The following FTO variants were observed in gnomAD, a reference collection of about 807,000 sequenced individuals.
FTO encodes FTO alpha-ketoglutarate dependent dioxygenase.
A neutral mutation model predicts 63.9 loss-of-function variants in FTO; 47 were observed. The observed-to-expected ratio is 0.74, with a 90% CI of 0.58 to 0.94. The LOEUF is 0.94. Among genes scored for constraint, FTO ranks in the 40% least tolerant of loss-of-function variants. FTO has a pLI of 0.00. For missense variants in FTO, 562 were observed against 618.1 expected (o/e 0.91, Z 0.96); for synonymous variants, 207 against 224.4 (o/e 0.92, Z 0.69).
chr16:53,979,397 C>T (rs1454695305), intron 8 of FTO: 7 of 398,416 alleles, frequency 1.8e-5, no homozygotes, highest in Non-Finnish European at 3.1e-5. Context: ...ACAGATTCAT[C>T]AAGAGAGAAT....
intron 1 of FTO, among the ~76,000 whole-genome samples, chr16:53,721,293 G>T (rs2076034626): frequency 6.6e-6 from 1 of 152,066 alleles, no homozygotes; most frequent in South Asian, 2.1e-4. Context: ...CAGAAGAGCG[G>T]CTAGAGACAT....
intron 8 of FTO, among the ~76,000 whole-genome samples, chr16:54,092,739 G>A (rs1271765657): frequency 6.6e-6 from 1 of 152,176 alleles, no homozygotes; most frequent in Non-Finnish European, 1.5e-5. Flanking sequence ...ACTGAAAAAG[G>A]ACGTTAACTT....
At chr16:54,053,596 G>A (rs2085361412) in intron 8 of FTO, among the ~76,000 whole-genome samples, 1 of 152,170 alleles carries the variant, frequency 6.6e-6, no homozygotes, top group Admixed American at 6.5e-5. Flanking sequence ...GAATGGTAAA[G>A]GTCCCCCCAT....
intron 8 of FTO, among the ~76,000 whole-genome samples, chr16:54,099,423 G>C (rs1431126511): frequency 6.6e-6 from 1 of 152,122 alleles, no homozygotes; most frequent in Admixed American, 6.5e-5. Flanking sequence ...ATAGCATTGT[G>C]TGCTGGGGAA....
intron 8 of FTO, among the ~76,000 whole-genome samples, chr16:53,936,050 T>G (rs1295010284): frequency 6.6e-6 from 1 of 152,222 alleles, no homozygotes; most frequent in African/African-American, 2.4e-5. Flanking sequence ...TTAACAATAA[T>G]TTTTTAATAC....
At position 53,873,217 on chromosome 16, in the gene FTO, G is replaced by A. The variant is rs533236260; in HGVS notation, c.896-569G>A. Among the ~76,000 whole-genome samples, 9 of 152,270 alleles carry A rather than the reference G, an allele frequency of 5.9e-5. No individual in the cohort carries two copies. The South Asian group carries it at 1.9e-3, about 32-fold the overall frequency. ...GTTTATTCTAAAGATAAGGGTAGAA[G>A]TAGATGTGTCATGAGAAAGTGAAAG... On this transcript the variant is annotated intron_variant, in intron 4 of 8. Coordinates refer to ENST00000471389, the MANE Select transcript of FTO (RefSeq NM_001080432.3).
chr16:53,811,194 A>G (rs1289250233), intron 2 of FTO, among the ~76,000 whole-genome samples: 1 of 152,202 alleles, frequency 6.6e-6, no homozygotes, highest in African/African-American at 2.4e-5. Context: ...TCCCAAAGGA[A>G]AATCAGAGTC....
chr16:53,906,914 G>T (rs898657890), intron 7 of FTO, among the ~76,000 whole-genome samples: 2 of 152,202 alleles, frequency 1.3e-5, no homozygotes, highest in East Asian at 3.9e-4. Context: ...TACCCTGTGG[G>T]AGAACTCTTA....
chr16:53,973,750 G>C (rs1369759982), intron 8 of FTO, among the ~76,000 whole-genome samples: 1 of 152,174 alleles, frequency 6.6e-6, no homozygotes, highest in Non-Finnish European at 1.5e-5. Context: ...AGGTGCATGA[G>C]GGAACTTTGG....
At chr16:53,941,208 T>C (rs979495324) in intron 8 of FTO, among the ~76,000 whole-genome samples, 1 of 152,220 alleles carries the variant, frequency 6.6e-6, no homozygotes, top group African/African-American at 2.4e-5. Flanking sequence ...TGAGTGTTTG[T>C]TAGGTGCAAG....
At chr16:54,089,599 C>A (rs574211146) in intron 8 of FTO, among the ~76,000 whole-genome samples, 1 of 151,926 alleles carries the variant, frequency 6.6e-6, no homozygotes, top group Non-Finnish European at 1.5e-5. Context: ...AAAAAAATAG[C>A]GTATAGAATG....
At chr16:53,874,667 G>A (rs2080596296) in intron 5 of FTO, among the ~76,000 whole-genome samples, 1 of 152,196 alleles carries the variant, frequency 6.6e-6, no homozygotes, top group Admixed American at 6.5e-5. Context: ...AGGTCTTCCA[G>A]TGGCAGTACT....
intron 1 of FTO, among the ~76,000 whole-genome samples, chr16:53,765,818 C>A (rs984797850): frequency 3.3e-5 from 5 of 151,854 alleles, no homozygotes; most frequent in Admixed American, 2.6e-4. Flanking sequence ...GAGAAGGAAA[C>A]GAAAGGGCAA....
At chr16:53,978,863 G>A (rs1455336703) in intron 8 of FTO, among the ~76,000 whole-genome samples, 1 of 152,036 alleles carries the variant, frequency 6.6e-6, no homozygotes, top group African/African-American at 2.4e-5. Context: ...TAGGCATGGT[G>A]GCACACGTGC....
At chr16:54,070,197 C>T (rs1227668205) in intron 8 of FTO, 1 of 152,094 alleles carries the variant, frequency 6.6e-6, no homozygotes, top group African/African-American at 2.4e-5. Context: ...ACACAGTCTG[C>T]AGAATGGTCA....
chr16:53,917,995 G>C (rs533790434), intron 7 of FTO, among the ~76,000 whole-genome samples: 9 of 151,974 alleles, frequency 5.9e-5, no homozygotes, highest in Non-Finnish European at 1.0e-4. Context: ...GTGAGACATA[G>C]CTTTGACCTC....
At chr16:53,833,349 C>T (rs377077611) in intron 3 of FTO, among the ~76,000 whole-genome samples, 2 of 152,202 alleles carry the variant, frequency 1.3e-5, no homozygotes, top group East Asian at 3.8e-4. Flanking sequence ...CCTCAAGATT[C>T]ATCCATGTTA....
chr16:53,861,024 G>T (rs1009541502), intron 4 of FTO, among the ~76,000 whole-genome samples: 3 of 151,988 alleles, frequency 2.0e-5, no homozygotes, highest in Non-Finnish European at 4.4e-5. Context: ...TATATAAAAT[G>T]TTTGTCAATT....
chr16:54,066,990 T>G (rs2085747273), intron 8 of FTO, among the ~76,000 whole-genome samples: 2 of 152,232 alleles, frequency 1.3e-5, no homozygotes, highest in African/African-American at 4.8e-5. Flanking sequence ...TTCTTTGGCT[T>G]TCATTAATGT....
Sources: allele counts gnomAD v4.1 joint callset (sites outside exome capture counted in the v4.1 genomes callset), GRCh38; gene constraint gnomAD v4.1.1; transcripts MANE v1.5; gene names NCBI Gene and HGNC (gene_info 2026-07-23, HGNC 2026-07-21).